The following ABCC5 variants were observed in gnomAD, a reference collection of about 807,000 sequenced individuals.
ABCC5 encodes the protein ATP binding cassette subfamily C member 5, also known as ATP-binding cassette sub-family C member 5.
A neutral mutation model predicts 160.9 loss-of-function variants in ABCC5; 61 were observed. That is an observed-to-expected ratio of 0.38 (90% CI 0.31 to 0.47). The LOEUF is 0.47. ABCC5 is among the 20% of genes least tolerant of loss of function. ABCC5 has a pLI of 0.99. For synonymous variants in ABCC5, 666 were observed against 700.6 expected (o/e 0.95, Z 0.78); for missense variants, 1,308 against 1,813.3 (o/e 0.72, Z 5.06).
intron 11 of ABCC5, among the ~76,000 whole-genome samples, 194 bp from the exon 12 acceptor site, chr3:183,967,960 C>T (rs1332978193): frequency 6.6e-6 from 1 of 152,190 alleles, no homozygotes; most frequent in Non-Finnish European, 1.5e-5. Context: ...CCTGAGATAA[C>T]AGGAATGGAA....
At chr3:183,948,091 C>G (rs77238942) in intron 22 of ABCC5, among the ~76,000 whole-genome samples, 2,964 of 152,302 alleles carry the variant, frequency 0.019, 87 homozygotes, top group African/African-American at 0.068. Flanking sequence ...AGGAGCATGG[C>G]ACGGCCATCA....
chr3:183,968,191 C>A (rs35240483), intron 11 of ABCC5, among the ~76,000 whole-genome samples: 30,408 of 152,016 alleles, frequency 0.2, 3,182 homozygotes, highest in East Asian at 0.43. Flanking sequence ...TACAGTGGTG[C>A]GATCTTGGCT....
At chr3:183,953,625 C>T (rs1715593316) in intron 17 of ABCC5, among the ~76,000 whole-genome samples, 1 of 152,240 alleles carries the variant, frequency 6.6e-6, no homozygotes, top group South Asian at 2.1e-4. Flanking sequence ...AGCATGGGAA[C>T]CCCTGGGAGG....
chr3:183,971,533 G>A (rs199909154), intron 11 of ABCC5, 30 bp downstream of exon 11: 53 of 1,596,096 alleles, frequency 3.3e-5, no homozygotes, highest in African/African-American at 2.6e-4. Flanking sequence ...GGTGGGGTGC[G>A]GGCAGGGAGG....
rs559340872 is a variant in ABCC5, at chr3:183,975,746, G to C, written c.1404+1771C>G. On this transcript the variant is annotated intron_variant, in intron 10 of 29. Transcript: ENST00000334444. Reference sequence around the variant, plus strand: ...AGAAGTAAGATAGAAGGGGTCTAAAGTCTCATGGGGCATCAAATAGAGCTG... The same window carrying C: ...AGAAGTAAGATAGAAGGGGTCTAAACTCTCATGGGGCATCAAATAGAGCTG... Among the ~76,000 whole-genome samples, 6 of 152,092 alleles carry C rather than the reference G, an allele frequency of 3.9e-5. No homozygotes were observed. The East Asian group carries it at 1.2e-3, about 29-fold the overall frequency.
At chr3:183,945,709 G>A in intron 24 of ABCC5, 141 bp downstream of exon 24, 1 of 715,996 alleles carries the variant, frequency 1.4e-6, no homozygotes, top group Non-Finnish European at 2.5e-6. Context: ...TCCAAGCACG[G>A]TTGAGAGATT....
intron 18 of ABCC5, among the ~76,000 whole-genome samples, 195 bp downstream of exon 18, chr3:183,952,891 G>A (rs1355360961): frequency 2.6e-5 from 4 of 152,186 alleles, no homozygotes; most frequent in East Asian, 3.9e-4. Context: ...ACGCCCTACT[G>A]CCCTGTGGGT....
intron 24 of ABCC5, among the ~76,000 whole-genome samples, chr3:183,945,562 T>C (rs944478567): frequency 9.9e-5 from 15 of 152,158 alleles, no homozygotes; most frequent in African/African-American, 2.4e-4. Context: ...TTTTAAACAG[T>C]GTAAGGAAAA....
At chr3:183,983,246 C>T (rs1560031678) in intron 5 of ABCC5, among the ~76,000 whole-genome samples, 1 of 152,246 alleles carries the variant, frequency 6.6e-6, no homozygotes, top group Non-Finnish European at 1.5e-5. Flanking sequence ...AAAACCATTA[C>T]TCTTTCTAAT....
In ABCC5 at chr3:184,014,416, G is replaced by A. The variant is rs778029645; in HGVS notation, c.-24C>T. 2.5e-6 allele frequency: 4 copies of A among 1,589,712 alleles called. No individual in the cohort carries two copies. Among genetic ancestry groups the A allele is most frequent in the Admixed American group, 1.8e-5 (1 of 54,546 alleles). On this transcript the variant is annotated 5_prime_UTR_variant, in exon 2 of 30. Transcript: ENST00000334444. ...ATCTTCTCTGAGTGGAGGTTCCAGG[G>A]CTCACAGACTGTTAGTTTCACATCA...
chr3:183,976,428 A>AT (rs1370338482), intron 10 of ABCC5, among the ~76,000 whole-genome samples: 1 of 151,470 alleles, frequency 6.6e-6, no homozygotes, highest in South Asian at 2.1e-4. Context: ...CTATTTTTTT[A>AT]TTTTTTTGTA....
Position 183,949,824 on chromosome 3 carries a change from G to A in ABCC5, c.3156C>T (p.Ser1052=), listed in dbSNP as rs1715175296. 1 of 1,614,206 alleles carries A rather than the reference G, an allele frequency of 6.2e-7. No homozygotes were observed. Among genetic ancestry groups the A allele is most frequent in the Non-Finnish European group, 8.5e-7 (1 of 1,180,050 alleles). ...LDNITQSPFL[S]HITSSIQGLA... ...GGCCCTGTATGCTGGACGTGATGTG[G>A]GAGAGGAAAGGTGACTGCGTGATAT... Residue 1052 remains serine (S), a synonymous_variant, in exon 22 of 30, where the codon TCC becomes TCT. Transcript: ENST00000334444. The surrounding 1 kb of genome is among the most constrained non-coding windows in gnomAD (Gnocchi z 4.2).
At chr3:183,925,006 A>G (rs1402002) in intron 29 of ABCC5, among the ~76,000 whole-genome samples, 94,470 of 152,144 alleles carry the variant, frequency 0.62, 30,120 homozygotes, top group East Asian at 0.84. Context: ...GCACCTGCAA[A>G]GGAAGAGTGG....
intron 17 of ABCC5, among the ~76,000 whole-genome samples, chr3:183,955,646 AT>A (rs879853633): frequency 0.019 from 2,829 of 151,548 alleles, 113 homozygotes; most frequent in East Asian, 0.039. Flanking sequence ...ATCCGTGTGT[AT>A]ATCACATCGG....
chr3:183,959,832 T>G lies in ABCC5; in HGVS notation c.2383A>C (p.Asn795His). 6.2e-7 allele frequency: 1 copy of G among 1,603,840 alleles called. No homozygotes were observed. The highest frequency in any genetic ancestry group is 8.5e-7 in the Non-Finnish European group (1 of 1,174,150). Reference protein sequence around the residue: ...LLGETPPVEINSKKETSGSQK... With the variant: ...LLGETPPVEIHSKKETSGSQK... ...GAACCACTGGTTTCCTTTTTTGAAT[T>G]GATCTAATAATATTTAAAAAAAAAA... Residue 795 changes from asparagine (N) to histidine (H), a missense_variant, in exon 17 of 30, where the codon AAT (asparagine) becomes CAT (histidine). Physicochemically the swap from Asn to His is moderately conservative, Grantham distance 68. This residue lies in a region of ABCC5 where 1,142 missense variants were observed against 1,527.1 expected (regional missense o/e 0.75). Transcript: ENST00000334444.
chr3:183,969,608 C>T (rs1178907813), intron 11 of ABCC5, among the ~76,000 whole-genome samples: 1 of 150,502 alleles, frequency 6.6e-6, no homozygotes, highest in Non-Finnish European at 1.5e-5. Flanking sequence ...AGGAGAATCA[C>T]TTGAACCCGG....
intron 2 of ABCC5, among the ~76,000 whole-genome samples, chr3:184,000,208 A>G (rs912902734): frequency 5.9e-5 from 9 of 151,764 alleles, no homozygotes; most frequent in African/African-American, 2.2e-4. Flanking sequence ...AAAAATACAA[A>G]AAAGGGACAC....
chr3:183,998,987 G>A (rs567177796), intron 2 of ABCC5, among the ~76,000 whole-genome samples: 1 of 152,142 alleles, frequency 6.6e-6, no homozygotes, highest in African/African-American at 2.4e-5. Flanking sequence ...CTACTCGGGA[G>A]GGTGAGGCAG....
chr3:183,950,218 A>C, intron 20 of ABCC5, 93 bp from the exon 21 acceptor site: 8 of 1,392,170 alleles, frequency 5.7e-6, no homozygotes, highest in Non-Finnish European at 6.7e-6. Context: ...CAAACTCTCT[A>C]TCTGAAGTTT....
Sources: gnomAD v4.1 joint callset for allele counts (sites outside exome capture counted in the v4.1 genomes callset) on GRCh38, gnomAD v4.1.1 for gene constraint, gnomAD v4.1.1 regional missense constraint, Gnocchi (gnomAD v3.1) non-coding constraint, MANE v1.5 for transcripts, NCBI Gene and HGNC (gene_info 2026-07-23, HGNC 2026-07-21) for gene names.